SHC3: variants seen among roughly 807,000 people sequenced by gnomAD.
SHC3 encodes the protein SHC-transforming protein 3.
In SHC3, 15 loss-of-function variants were observed where a neutral mutation model predicts 60.4. The ratio of observed to expected loss-of-function variants is 0.25; its 90% CI spans 0.17 to 0.38. SHC3 has a LOEUF of 0.38. Ranked by LOEUF, SHC3 falls within the 10% of genes least tolerant of loss-of-function variation. The pLI is 1.00. For synonymous variants in SHC3, 294 were observed against 325.9 expected (o/e 0.90, Z 1.05); for missense variants, 677 against 786.1 (o/e 0.86, Z 1.66).
chr9:89,053,364 C>T (rs10867152), intron 6 of SHC3, among the ~76,000 whole-genome samples: 7,958 of 152,304 alleles, frequency 0.052, 281 homozygotes, highest in Middle Eastern at 0.085. Context: ...ACTGTGCCCT[C>T]CCTATAGGAG....
intron 6 of SHC3, among the ~76,000 whole-genome samples, chr9:89,063,750 T>G (rs1215821750): frequency 1.3e-5 from 2 of 152,382 alleles, no homozygotes; most frequent in African/African-American, 4.8e-5. Flanking sequence ...TGACACTTGC[T>G]TGAATTCCTG....
At chr9:89,029,969 G>A (rs979759327) in intron 11 of SHC3, among the ~76,000 whole-genome samples, 1 of 151,848 alleles carries the variant, frequency 6.6e-6, no homozygotes, top group Non-Finnish European at 1.5e-5. Flanking sequence ...CTATCAAAAG[G>A]CAGAGATTTT....
intron 11 of SHC3, among the ~76,000 whole-genome samples, chr9:89,022,900 T>C (rs1249941653): frequency 6.6e-6 from 1 of 152,244 alleles, no homozygotes; most frequent in East Asian, 1.9e-4. Context: ...CAAAATATTC[T>C]TTCTCCTTTG....
intron 1 of SHC3, among the ~76,000 whole-genome samples, chr9:89,172,720 G>A (rs946725313): frequency 1.3e-5 from 2 of 152,124 alleles, no homozygotes; most frequent in East Asian, 1.9e-4. Flanking sequence ...TTGCAAAATT[G>A]TTTTCTTGTC....
intron 11 of SHC3, among the ~76,000 whole-genome samples, chr9:89,020,102 G>T (rs1289513782): frequency 3.9e-5 from 6 of 152,082 alleles, no homozygotes; most frequent in African/African-American, 9.7e-5. Context: ...GATCCCCAAG[G>T]TTTCACAGCA....
At chr9:89,125,659 G>T (rs1826153462) in intron 1 of SHC3, among the ~76,000 whole-genome samples, 1 of 152,118 alleles carries the variant, frequency 6.6e-6, no homozygotes, top group African/African-American at 2.4e-5. Flanking sequence ...CAGTAAAGAA[G>T]ACCCACCAAA....
chr9:89,032,007 G>A (rs761554095), intron 11 of SHC3, among the ~76,000 whole-genome samples: 19 of 152,132 alleles, frequency 1.2e-4, no homozygotes, highest in Admixed American at 2.0e-4. Context: ...TTGAGCTCCC[G>A]TGTTGAGAAG....
intron 1 of SHC3, among the ~76,000 whole-genome samples, chr9:89,125,464 T>C (rs1316433544): frequency 1.3e-5 from 2 of 152,098 alleles, no homozygotes; most frequent in Non-Finnish European, 2.9e-5. Flanking sequence ...ACACAGCTCC[T>C]GGCACACCAT....
At chr9:89,156,089 T>A (rs1826619132) in intron 1 of SHC3, among the ~76,000 whole-genome samples, 1 of 152,228 alleles carries the variant, frequency 6.6e-6, no homozygotes, top group African/African-American at 2.4e-5. Flanking sequence ...AATAAAATAC[T>A]GTGAAGGTGA....
intron 7 of SHC3, among the ~76,000 whole-genome samples, chr9:89,049,809 C>T (rs1824833778): frequency 6.6e-6 from 1 of 152,338 alleles, no homozygotes; most frequent in South Asian, 2.1e-4. Flanking sequence ...AAGGCAAACG[C>T]CGAGCTGTAA....
intron 1 of SHC3, among the ~76,000 whole-genome samples, chr9:89,114,750 C>A (rs1825998166): frequency 6.6e-6 from 1 of 152,010 alleles, no homozygotes; most frequent in Non-Finnish European, 1.5e-5. Flanking sequence ...AAAACTATGA[C>A]CAATGTTGCA....
intron 1 of SHC3, among the ~76,000 whole-genome samples, chr9:89,160,068 C>A (rs1826681890): frequency 3.3e-5 from 5 of 152,230 alleles, no homozygotes; most frequent in Admixed American, 3.3e-4. Flanking sequence ...TCGCACAGAC[C>A]CTGCTTCCCA....
chr9:89,013,520 A>T lies in SHC3; in HGVS notation c.1712T>A (p.Leu571Gln). The stretch of plus-strand genomic sequence containing the variant: ...AGAGACAATGGGCAGGCTGCTTTCT[A>T]GGTGGTGGTTGATGAGGTGGCTGAT... ...DSISHLINHH[L>Q]ESSLPIVSAG... Residue 571 changes from leucine (L) to glutamine (Q), a missense_variant, in exon 12 of 12, where the codon CTA (leucine) becomes CAA (glutamine). By Grantham distance (113) the Leu-to-Gln change is moderately radical. Coordinates refer to ENST00000375835, the MANE Select transcript of SHC3 (RefSeq NM_016848.6). The T allele has an allele frequency of 1.2e-6, 2 of 1,613,952 alleles. No homozygotes were observed. Among genetic ancestry groups the T allele is most frequent in the Non-Finnish European group, 1.7e-6 (2 of 1,179,940 alleles).
Position 89,110,587 on chromosome 9 carries a change from A to G in SHC3, c.545+1969T>C, listed in dbSNP as rs535092562. 4.3e-4 allele frequency: 231 copies of G among 537,600 alleles called. 1 individual carries two copies. In the South Asian group the frequency reaches 6.1e-3, roughly 14 times the overall value. 33.3% of individuals were successfully genotyped at this position (537,600 alleles called of 1,614,324 possible). A position where few individuals can be genotyped will look rare whatever the true frequency, so the allele number is the denominator to read the frequency against. On this transcript the variant is annotated intron_variant, in intron 2 of 11. Coordinates refer to ENST00000375835, the MANE Select transcript of SHC3 (RefSeq NM_016848.6). ...GCTTCATTCTGAAGTTGATTTGTCA[A>G]ATTGTTTCCTTTGAGTGACCTCCAG...
At chr9:89,016,843 T>G (rs747868220) in intron 11 of SHC3, among the ~76,000 whole-genome samples, 1 of 152,214 alleles carries the variant, frequency 6.6e-6, no homozygotes, top group Non-Finnish European at 1.5e-5. Flanking sequence ...ATTTCAGGTA[T>G]GCGAAGTTGG....
chr9:89,141,534 C>G (rs1384467597), intron 1 of SHC3, among the ~76,000 whole-genome samples: 2 of 152,226 alleles, frequency 1.3e-5, no homozygotes, highest in Non-Finnish European at 2.9e-5. Context: ...CTTTTGCCAG[C>G]ATGCCAGGCT....
chr9:89,067,099 C>G (rs904590004), intron 5 of SHC3, among the ~76,000 whole-genome samples: 2 of 152,216 alleles, frequency 1.3e-5, no homozygotes, highest in Admixed American at 6.5e-5. Flanking sequence ...GGTGTATTCA[C>G]AGGCTGACTA....
chr9:89,149,018 T>C (rs980122035), intron 1 of SHC3, among the ~76,000 whole-genome samples: 20 of 152,214 alleles, frequency 1.3e-4, no homozygotes, highest in African/African-American at 4.3e-4. Context: ...GCAAATTACT[T>C]GAGCTTGTGG....
intron 1 of SHC3, among the ~76,000 whole-genome samples, chr9:89,174,411 G>A (rs147717215): frequency 2.0e-5 from 3 of 152,216 alleles, no homozygotes; most frequent in Non-Finnish European, 4.4e-5. Context: ...TAAATAGCTC[G>A]CCATTTTCAC....
Sources: gnomAD v4.1 joint callset for allele counts (sites outside exome capture counted in the v4.1 genomes callset) on GRCh38, gnomAD v4.1.1 for gene constraint, MANE v1.5 for transcripts, NCBI Gene and HGNC (gene_info 2026-07-23, HGNC 2026-07-21) for gene names.